WDFY4: variants seen among roughly 807,000 people sequenced by gnomAD.
WDFY4 encodes WD repeat- and FYVE domain-containing protein 4.
A neutral mutation model predicts 351.9 loss-of-function variants in WDFY4; 169 were observed. The observed-to-expected ratio is 0.48, with a 90% CI of 0.42 to 0.55. WDFY4 has a LOEUF of 0.55. WDFY4 is among the 20% of genes least tolerant of loss of function. WDFY4 has a pLI of 0.00. For missense variants in WDFY4, 3,803 were observed against 3,935.6 expected (o/e 0.97, Z 0.90); for synonymous variants, 1,622 against 1,574.6 (o/e 1.03, Z -0.71).
At position 48,814,068 on chromosome 10, in the gene WDFY4, G is replaced by A. The variant is rs955540875; in HGVS notation, c.5326G>A (p.Ala1776Thr). The change falls in exon 31 of 62, where the codon GCC (alanine) becomes ACC (threonine). Residue 1776 changes from alanine to threonine, a missense_variant. Around this residue, in one of 3 missense-constraint regions of WDFY4, gnomAD observed 3,054 missense variants for 3,148.6 expected, o/e 0.97. Transcript: ENST00000325239. ...GALLLLEMLK[A>T]TMSQPLAGSE... is the part of the protein sequence containing the mutation. ...CTTGCTCCTCCTGGAAATGCTGAAG[G>A]CCACCATGAGCCAGGTGAGACCCAT... The A allele has an allele frequency of 6.5e-7, 1 of 1,548,730 alleles. No individual in the cohort carries two copies. Among genetic ancestry groups the A allele is most frequent in the African/African-American group, 1.4e-5 (1 of 72,990 alleles).
chr10:48,736,241 T>C (rs1218134507), intron 11 of WDFY4, 171 bp downstream of exon 11: 2 of 716,142 alleles, frequency 2.8e-6, no homozygotes, highest in Admixed American at 2.2e-5. Context: ...ATATCCTCAG[T>C]AGCCTGGTAC....
chr10:48,720,114 G>T lies in WDFY4; in HGVS notation c.338G>T (p.Gly113Val). The change falls in exon 3 of 62, where the codon GGG (glycine) becomes GTG (valine). Residue 113 changes from glycine (G) to valine (V), a missense_variant. Gly to Val is a moderately radical substitution (Grantham distance 109). Coordinates refer to ENST00000325239, the MANE Select transcript of WDFY4 (RefSeq NM_001394531.1). The stretch of plus-strand genomic sequence containing the variant: ...CAGCAACTCCAGAAGGCCCTTGTGG[G>T]GAAGCCTGCGGGTAAGAGCATGGAG... ...LAQQLQKALVGKPAEQARLAA... is the reference protein window; with the variant it reads ...LAQQLQKALVVKPAEQARLAA... 6.4e-7 allele frequency: 1 copy of T among 1,551,780 alleles called. No homozygotes were observed. The highest frequency in any genetic ancestry group is 8.7e-7 in the Non-Finnish European group (1 of 1,146,988).
Position 48,747,585 on chromosome 10 carries a change from T to G in WDFY4, c.2459+4037T>G, listed in dbSNP as rs1470496907. ...CCACACAGTTTCTTTTGGTCTTTCT[T>G]AAACCCACTGAATCTCCTACTAGCT... On this transcript the variant is annotated intron_variant, in intron 12 of 61. Coordinates refer to ENST00000325239, the MANE Select transcript of WDFY4 (RefSeq NM_001394531.1). 2.0e-5 allele frequency among the ~76,000 whole-genome samples: 3 copies of G among 152,334 alleles called. No individual in the cohort carries two copies. In the South Asian group the frequency reaches 6.2e-4, roughly 32 times the overall value.
At chr10:48,821,325 C>T (rs2067817013) in intron 34 of WDFY4, 149 bp downstream of exon 34, 1 of 623,628 alleles carries the variant, frequency 1.6e-6, no homozygotes, top group African/African-American at 1.8e-5. Flanking sequence ...AACAAGAACT[C>T]CCTGGCTCCT....
chr10:48,698,389 G>C (rs928370734), intron 1 of WDFY4, among the ~76,000 whole-genome samples: 3 of 152,332 alleles, frequency 2.0e-5, no homozygotes, highest in South Asian at 4.1e-4. Flanking sequence ...TGACAGTCCT[G>C]TTCCAGCTTT....
At chr10:48,951,013 C>A (rs547814458) in intron 51 of WDFY4, among the ~76,000 whole-genome samples, 2 of 152,302 alleles carry the variant, frequency 1.3e-5, no homozygotes, top group East Asian at 3.9e-4. Flanking sequence ...GGCACTGTGG[C>A]CCATTTACCC....
chr10:48,824,541 A>T (rs1361128233), intron 35 of WDFY4, among the ~76,000 whole-genome samples: 1 of 152,194 alleles, frequency 6.6e-6, no homozygotes, highest in Non-Finnish European at 1.5e-5. Flanking sequence ...TTTTAACACA[A>T]ATTTTCACCC....
At chr10:48,861,481 ACAGTT>A (rs1289090459) in intron 39 of WDFY4, among the ~76,000 whole-genome samples, 1 of 152,138 alleles carries the variant, frequency 6.6e-6, no homozygotes, top group African/African-American at 2.4e-5. Flanking sequence ...TACTGTGTTG[ACAGTT>A]CTTTATTTTC....
chr10:48,871,239 A>G (rs975238370), intron 40 of WDFY4, among the ~76,000 whole-genome samples: 2 of 151,978 alleles, frequency 1.3e-5, no homozygotes, highest in Non-Finnish European at 2.9e-5. Flanking sequence ...CTGGCCGGAT[A>G]TGTGTTCTTA....
intron 11 of WDFY4, 162 bp downstream of exon 11, chr10:48,736,232 T>C (rs1230662847): frequency 1.3e-6 from 1 of 747,522 alleles, no homozygotes; most frequent in East Asian, 2.7e-5. Flanking sequence ...ATAAATCCCA[T>C]ATCCTCAGTA....
At chr10:48,845,048 C>T (rs942739299) in intron 39 of WDFY4, among the ~76,000 whole-genome samples, 2 of 152,162 alleles carry the variant, frequency 1.3e-5, no homozygotes, top group African/African-American at 4.8e-5. Flanking sequence ...GGAAAGGACC[C>T]AGCAAATGCC....
chr10:48,747,521 T>C (rs774205595), intron 12 of WDFY4, among the ~76,000 whole-genome samples: 1 of 152,182 alleles, frequency 6.6e-6, no homozygotes, highest in Non-Finnish European at 1.5e-5. Context: ...TTAATCTTTC[T>C]TTTACATTTT....
chr10:48,876,555 G>A (rs1205815105), intron 42 of WDFY4, among the ~76,000 whole-genome samples: 2 of 152,218 alleles, frequency 1.3e-5, no homozygotes, highest in Non-Finnish European at 2.9e-5. Context: ...ATCTCTGGGT[G>A]CATGGGTGAG....
intron 12 of WDFY4, among the ~76,000 whole-genome samples, chr10:48,752,133 C>T (rs979296071): frequency 6.6e-6 from 1 of 152,204 alleles, no homozygotes; most frequent in Admixed American, 6.5e-5. Flanking sequence ...ACCTTGTCTC[C>T]ATTCCTGCTC....
At chr10:48,746,603 T>C (rs1019532464) in intron 12 of WDFY4, among the ~76,000 whole-genome samples, 2 of 152,154 alleles carry the variant, frequency 1.3e-5, no homozygotes, top group Non-Finnish European at 2.9e-5. Context: ...TCTACTTAGC[T>C]TTTTACATTT....
intron 12 of WDFY4, among the ~76,000 whole-genome samples, chr10:48,744,281 C>T (rs781421074): frequency 2.0e-5 from 3 of 152,184 alleles, no homozygotes; most frequent in Non-Finnish European, 4.4e-5. Flanking sequence ...ATTAATACTG[C>T]AGTAAGTTAT....
intron 39 of WDFY4, among the ~76,000 whole-genome samples, chr10:48,836,912 A>T (rs1169944404): frequency 1.3e-5 from 2 of 152,170 alleles, no homozygotes; most frequent in Non-Finnish European, 2.9e-5. Context: ...CCGTGGATTC[A>T]GCTCTGCTTA....
At chr10:48,951,891 C>G (rs936548394) in intron 51 of WDFY4, among the ~76,000 whole-genome samples, 1 of 152,212 alleles carries the variant, frequency 6.6e-6, no homozygotes, top group Admixed American at 6.5e-5. Context: ...ACCAAAGACA[C>G]AGCAGCGGTG....
intron 47 of WDFY4, among the ~76,000 whole-genome samples, chr10:48,927,325 TC>T (rs1589917795): frequency 6.6e-6 from 1 of 152,178 alleles, no homozygotes; most frequent in Non-Finnish European, 1.5e-5. Flanking sequence ...ATTTCAGTCA[TC>T]CGCAACACTC....
Sources: allele counts gnomAD v4.1 joint callset (sites outside exome capture counted in the v4.1 genomes callset), GRCh38; gene constraint gnomAD v4.1.1; regional missense constraint gnomAD v4.1.1; transcripts MANE v1.5; gene names NCBI Gene and HGNC (gene_info 2026-07-23, HGNC 2026-07-21).